The following ZNF75A variants were observed in gnomAD, a reference collection of about 807,000 sequenced individuals.
ZNF75A encodes the protein zinc finger protein 75A.
Under a neutral mutation model 46.3 loss-of-function variants are expected in ZNF75A, and 36 were observed. The ratio of observed to expected loss-of-function variants is 0.78; its 90% confidence interval spans 0.60 to 1.03. The LOEUF is 1.03. Among genes scored for constraint, ZNF75A ranks in the 50% least tolerant of loss-of-function variants. ZNF75A has a pLI of 0.00. For missense variants in ZNF75A, 595 were observed against 551.3 expected, an observed-to-expected ratio of 1.08 and a Z score of -0.79; for synonymous variants, 234 against 189.9, an observed-to-expected ratio of 1.23 and a Z score of -1.91.
chr16:3,320,446 C>T (rs1375289493), downstream of ZNF75A, among the ~76,000 whole-genome samples: 1 of 152,128 alleles, frequency 6.6e-6, no homozygotes, highest in Non-Finnish European at 1.5e-5. Flanking sequence ...AGCCTTTGGC[C>T]CTCAAAAGAG....
intron 5 of ZNF75A, chr16:3,314,632 T>C (rs1961062991): frequency 1.0e-6 from 1 of 983,836 alleles, no homozygotes; most frequent in Non-Finnish European, 1.2e-6. Context: ...CCTTTTTTTT[T>C]CTTAAATCGT....
At chr16:3,322,320 G>A (rs1479466940), downstream of ZNF75A, among the ~76,000 whole-genome samples, 7 of 152,110 alleles carry the variant, frequency 4.6e-5, no homozygotes, top group African/African-American at 1.7e-4. Context: ...ACCGAGATGA[G>A]GGCACTGTTT....
downstream of ZNF75A, chr16:3,323,306 G>A: frequency 1.0e-6 from 1 of 994,476 alleles, no homozygotes; most frequent in Non-Finnish European, 1.6e-6. Context: ...GGTGGAAAGG[G>A]CAAAAGAACC....
At chr16:3,321,805 G>C (rs2029955282), downstream of ZNF75A, among the ~76,000 whole-genome samples, 1 of 152,068 alleles carries the variant, frequency 6.6e-6, no homozygotes, top group African/African-American at 2.4e-5. Context: ...GAACAGGAGG[G>C]GCTTAGAATC....
At chr16:3,310,056 TGTA>T (rs1960627331) in intron 2 of ZNF75A, among the ~76,000 whole-genome samples, 3 of 151,826 alleles carry the variant, frequency 2.0e-5, no homozygotes, top group Admixed American at 2.0e-4. Context: ...ATTGCAGCAT[TGTA>T]CTCTGGCCTG....
chr16:3,318,335 T>C lies in ZNF75A; in HGVS notation c.*466T>C. The C allele has an allele frequency of 1.0e-6, 1 of 988,436 alleles. No homozygotes were observed. Among genetic ancestry groups the C allele is most frequent in the Non-Finnish European group, 1.2e-6 (1 of 831,960 alleles). The allele number at this position is 988,436 out of a possible 1,614,324, so 61.2% of individuals were successfully genotyped here. A position where few individuals can be genotyped will look rare whatever the true frequency, so the allele number is the denominator to read the frequency against. On this transcript the variant is annotated 3_prime_UTR_variant, in exon 7 of 7. Coordinates refer to ENST00000669516, the MANE Select transcript of ZNF75A (RefSeq NM_001302109.2). ...ATCACTTGAGTTCCTTCTTAAACTT[T>C]TCGGCAACTTCTCTTGGATCCTGTT...
chr16:3,319,326 G>A (rs914535531), downstream of ZNF75A, among the ~76,000 whole-genome samples: 2 of 152,088 alleles, frequency 1.3e-5, no homozygotes, highest in African/African-American at 4.8e-5. Context: ...TGTTGAGCAG[G>A]CTGGTCTCGA....
downstream of ZNF75A, among the ~76,000 whole-genome samples, chr16:3,319,580 G>A (rs753224409): frequency 6.6e-6 from 1 of 152,108 alleles, no homozygotes; most frequent in Non-Finnish European, 1.5e-5. Context: ...ATTTAATGAA[G>A]GCCTATGATG....
At chr16:3,319,783 ATT>A (rs55767869), downstream of ZNF75A, among the ~76,000 whole-genome samples, 1 of 133,296 alleles carries the variant, frequency 7.5e-6, no homozygotes, top group African/African-American at 3.0e-5. Flanking sequence ...GAAGCTTTTC[ATT>A]TTTTTTTTTT....
intron 5 of ZNF75A, among the ~76,000 whole-genome samples, chr16:3,314,029 C>A (rs1330777005): frequency 6.6e-6 from 1 of 152,116 alleles, no homozygotes; most frequent in African/African-American, 2.4e-5. Flanking sequence ...TTGCTCAACT[C>A]AGAAAAATGT....
rs77375403 is a variant in ZNF75A at position 3,310,825 on chromosome 16, G to A, written c.409-928G>A. On this transcript the variant is annotated intron_variant, in intron 2 of 6. Transcript: ENST00000669516. ...GCCTTCCCTTAATGCTTGTTCCTTG[G>A]CTCTGCTGACAAGTTGGGAGCCAGG... 977 of 985,444 alleles carry A rather than the reference G, an allele frequency of 9.9e-4. 15 individuals carry two copies. In the African/African-American group the frequency reaches 0.016, roughly 16 times the overall value. The allele number at this position is 985,444 out of a possible 1,614,324, so 61.0% of individuals were successfully genotyped here.
In ZNF75A at chr16:3,308,655, G is replaced by A. The variant is rs922425979; in HGVS notation, c.227G>A (p.Trp76Ter). ...AAACTTCAAGAATTATGTCATCTAT[G>A]GCTGAAGCCAGAGATCCACTCAAAA... ...VSKLQELCHL[W>*]LKPEIHSKEQ... is the part of the protein sequence containing the mutation. Residue 76 changes from tryptophan to a stop codon, truncating the protein, a stop_gained, in exon 2 of 7, where the codon TGG becomes TAG. Coordinates refer to ENST00000669516, the MANE Select transcript of ZNF75A (RefSeq NM_001302109.2). LOFTEE classifies it high-confidence loss of function. The A allele has an allele frequency of 6.7e-5, 66 of 988,106 alleles. No homozygotes were observed. Among genetic ancestry groups the A allele is most frequent in the Non-Finnish European group, 7.1e-5 (59 of 830,692 alleles). The allele number at this position is 988,106 out of a possible 1,614,324, so 61.2% of individuals were successfully genotyped here.
At chr16:3,322,805 C>G, downstream of ZNF75A, 1 of 605,772 alleles carries the variant, frequency 1.7e-6, no homozygotes, top group Non-Finnish European at 2.1e-6. Flanking sequence ...AACAAGGACC[C>G]AGGAATCTCC....
intron 1 of ZNF75A, chr16:3,306,269 C>CT (rs1301380742): frequency 1.3e-5 from 2 of 152,084 alleles, no homozygotes; most frequent in Non-Finnish European, 2.9e-5. Flanking sequence ...TCATCGTCAC[C>CT]AACTCCTGTT....
intron 5 of ZNF75A, chr16:3,314,752 T>C (rs1961071399): frequency 2.0e-6 from 2 of 985,478 alleles, no homozygotes; most frequent in Non-Finnish European, 2.4e-6. Context: ...TTAGAGCTTG[T>C]TGACATTTGA....
In ZNF75A at chr16:3,318,216, T is replaced by C; in HGVS notation, c.*347T>C. 9.8e-7 allele frequency: 1 copy of C among 1,017,034 alleles called. No homozygotes were observed. Among genetic ancestry groups the C allele is most frequent in the Non-Finnish European group, 1.2e-6 (1 of 851,122 alleles). The allele number at this position is 1,017,034 out of a possible 1,614,324, so 63.0% of individuals were successfully genotyped here. A position where few individuals can be genotyped will look rare whatever the true frequency, so the allele number is the denominator to read the frequency against. ...AGCAGGCTTACCAATTTCCATAGTC[T>C]CATGAGGCCGAAATGAATTACAATG... On this transcript the variant is annotated 3_prime_UTR_variant, in exon 7 of 7. Coordinates refer to ENST00000669516, the MANE Select transcript of ZNF75A (RefSeq NM_001302109.2).
At chr16:3,314,192 C>G (rs188753648) in intron 5 of ZNF75A, among the ~76,000 whole-genome samples, 3 of 152,280 alleles carry the variant, frequency 2.0e-5, no homozygotes, top group African/African-American at 7.2e-5. Context: ...CATACACACT[C>G]TTAAAAAGGT....
Position 3,318,804 on chromosome 16 carries a change from T to C in ZNF75A, c.*935T>C, listed in dbSNP as rs1314913531. The stretch of plus-strand genomic sequence containing the variant: ...CTCATTTGGCATGGAGACCTGGACA[T>C]GTAGTCAGCAGGAGACGGTTCCCTA... On this transcript the variant is annotated 3_prime_UTR_variant, in exon 7 of 7. Coordinates refer to ENST00000669516, the MANE Select transcript of ZNF75A (RefSeq NM_001302109.2). 1.0e-6 allele frequency: 1 copy of C among 985,272 alleles called. No individual in the cohort carries two copies. The highest frequency in any genetic ancestry group is 1.1e-4 in the East Asian group (1 of 8,830). The allele number at this position is 985,272 out of a possible 1,614,324, so 61.0% of individuals were successfully genotyped here.
Position 3,311,843 on chromosome 16 carries a change from C to T in ZNF75A, c.499C>T (p.Pro167Ser), listed in dbSNP as rs925336339. The stretch of plus-strand genomic sequence containing the variant: ...CGGGCTGAAGCCAACAGAGTCCCAA[C>T]CAGTGGGCGTATCCCAAGATGAAGA... ...SFGLKPTESQ[P>S]VGVSQDEEFW... The change falls in exon 3 of 7, where the codon CCA becomes TCA. Residue 167 changes from proline to serine, a missense_variant. Coordinates refer to ENST00000669516, the MANE Select transcript of ZNF75A (RefSeq NM_001302109.2). 1.9e-6 allele frequency: 2 copies of T among 1,043,256 alleles called. No individual in the cohort carries two copies. The highest frequency in any genetic ancestry group is 2.3e-6 in the Non-Finnish European group (2 of 859,724). 64.6% of individuals were successfully genotyped at this position (1,043,256 alleles called of 1,614,324 possible).
Sources: allele counts gnomAD v4.1 joint callset (sites outside exome capture counted in the v4.1 genomes callset), GRCh38; gene constraint gnomAD v4.1.1; transcripts MANE v1.5; gene names NCBI Gene and HGNC (gene_info 2026-07-23, HGNC 2026-07-21).